The following COMP variants were observed in gnomAD, a reference collection of about 807,000 sequenced individuals.
The protein encoded by COMP is cartilage oligomeric matrix protein, also known as cartilage oligomeric matrix protein (pseudoachondroplasia, epiphyseal dysplasia 1, multiple).
A neutral mutation model predicts 95.8 loss-of-function variants in COMP; 79 were observed. The observed-to-expected ratio is 0.82, with a 90% CI of 0.69 to 0.99. The LOEUF is 0.99. COMP is among the 50% of genes least tolerant of loss of function. The pLI is 0.00. For synonymous variants in COMP, 438 were observed against 433.9 expected, an observed-to-expected ratio of 1.01 and a Z score of -0.12; for missense variants, 906 against 1,076.1, an observed-to-expected ratio of 0.84 and a Z score of 2.21.
chr19:18,789,202 G>A lies in COMP; in HGVS notation c.486C>T (p.Thr162=). Residue 162 remains threonine (T), a synonymous_variant, in exon 5 of 19, where the codon ACC becomes ACT. Transcript: ENST00000222271. The surrounding 1 kb of genome is among the most constrained non-coding windows in gnomAD (Gnocchi z 6.1). ...EACPPGYSGP[T]HQGVGLAFAK... Reference sequence around the variant, plus strand: ...CGAAAGCCAGCCCCACGCCCTGGTGGGTGGGGCCGCTGTACCCCGGCGGGC... The same window carrying A: ...CGAAAGCCAGCCCCACGCCCTGGTGAGTGGGGCCGCTGTACCCCGGCGGGC... 1 of 1,557,736 alleles carries A rather than the reference G, an allele frequency of 6.4e-7. No individual in the cohort carries two copies. The highest frequency in any genetic ancestry group is 8.6e-7 in the Non-Finnish European group (1 of 1,159,140).
intron 2 of COMP, 50 bp from the exon 3 acceptor site, chr19:18,790,663 C>T (rs1196807665): frequency 5.0e-6 from 8 of 1,613,532 alleles, no homozygotes; most frequent in Non-Finnish European, 5.9e-6. Context: ...CCTCATCCCT[C>T]GGGTCTCCCC....
At position 18,788,727 on chromosome 19, in the gene COMP, G is replaced by T. The variant is rs1568556395; in HGVS notation, c.627C>A (p.Cys209Ter). The T allele has an allele frequency of 1.9e-6, 3 of 1,548,618 alleles. No homozygotes were observed. The highest frequency in any genetic ancestry group is 2.6e-6 in the Non-Finnish European group (3 of 1,147,570). ...CCTGGTCGCCCACGAAGCCGGGCTG[G>T]CACGGGCCGCACTGGAAGGAGCCCT... ...NTRGSFQCGP[C>*]QPGFVGDQAS... is the part of the protein sequence containing the mutation. The change falls in exon 7 of 19, where the codon TGC becomes TGA. Residue 209 changes from cysteine to a stop codon, truncating the protein, a stop_gained. Coordinates refer to ENST00000222271, the MANE Select transcript of COMP (RefSeq NM_000095.3). LOFTEE classifies it high-confidence loss of function. This position sits in a 1 kb window ranked among gnomAD's most constrained non-coding sequence, Gnocchi z 4.7.
In COMP at chr19:18,789,261, T is replaced by C. The variant is rs776583689; in HGVS notation, c.427A>G (p.Ile143Val). 1.3e-6 allele frequency: 2 copies of C among 1,512,432 alleles called. No homozygotes were observed. Among genetic ancestry groups the C allele is most frequent in the African/African-American group, 2.8e-5 (2 of 71,334 alleles). 93.7% of individuals were successfully genotyped at this position (1,512,432 alleles called of 1,614,324 possible). The change falls in exon 5 of 19, where the codon ATC becomes GTC. Residue 143 changes from isoleucine (I) to valine (V), a missense_variant. Coordinates refer to ENST00000222271, the MANE Select transcript of COMP (RefSeq NM_000095.3). The surrounding 1 kb of genome is among the most constrained non-coding windows in gnomAD (Gnocchi z 6.1). ...AHPCFPRVRC[I>V]NTSPGFRCEA... ...CAGCGGAACCCCGGGCTGGTGTTGATACAGCGGACTCGGGGGAAGCAGGGG... is the reference window on the plus strand; with the variant it reads ...CAGCGGAACCCCGGGCTGGTGTTGACACAGCGGACTCGGGGGAAGCAGGGG...
rs1161587147 is a variant in COMP at position 18,784,417 on chromosome 19, C to G, written c.1915-54G>C. 82 of 1,602,530 alleles carry G rather than the reference C, an allele frequency of 5.1e-5. No homozygotes were observed. Among genetic ancestry groups the G allele is most frequent in the Non-Finnish European group, 6.7e-5 (78 of 1,171,350 alleles). On this transcript the variant is annotated intron_variant, in intron 16 of 18. Transcript: ENST00000222271. This position sits in a 1 kb window ranked among gnomAD's most constrained non-coding sequence, Gnocchi z 4.9. ...GACCTCGTGGGCCACCGGAGCCCCC[C>G]TAGACACCTTCCTGGAGAGACAGTT... is the stretch of plus-strand genomic sequence containing the variant.
Position 18,790,551 on chromosome 19 carries a change from G to T in COMP, c.217+11C>A, listed in dbSNP as rs1205729952. 5.6e-6 allele frequency: 9 copies of T among 1,613,192 alleles called. No individual in the cohort carries two copies. Among genetic ancestry groups the T allele is most frequent in the Non-Finnish European group, 7.6e-6 (9 of 1,179,756 alleles). ...GTCTCTTCTCTCTCCCGACCGCCCC[G>T]CCGCGCTCACCGCACGCGTCACACT... On this transcript the variant is annotated intron_variant, in intron 3 of 18. Transcript: ENST00000222271.
intron 1 of COMP, 56 bp from the exon 2 acceptor site, chr19:18,790,991 A>G: frequency 1.3e-6 from 2 of 1,535,894 alleles, no homozygotes; most frequent in African/African-American, 2.8e-5. Flanking sequence ...CCCACCACCA[A>G]CTCCCACCGT....
intron 3 of COMP, 101 bp from the exon 4 acceptor site, chr19:18,790,215 C>CT: frequency 3.4e-6 from 3 of 881,182 alleles, no homozygotes; most frequent in East Asian, 2.8e-5. Flanking sequence ...TTCCCCTTCC[C>CT]CCCCACCCCC....
chr19:18,787,373 G>T, intron 10 of COMP, 118 bp downstream of exon 10: 2 of 1,437,450 alleles, frequency 1.4e-6, no homozygotes, highest in Non-Finnish European at 1.9e-6. Flanking sequence ...GGTCCAGGGC[G>T]CCCTAGTCCA....
chr19:18,790,771 G>A, intron 2 of COMP, 79 bp downstream of exon 2: 1 of 1,589,834 alleles, frequency 6.3e-7, no homozygotes, highest in Non-Finnish European at 8.5e-7. Flanking sequence ...ACCTTCTCGG[G>A]TACTTCCTCT....
rs895484907 is a variant in COMP at position 18,787,475 on chromosome 19, C to T, written c.1135+16G>A. 2 of 1,609,964 alleles carry T rather than the reference C, an allele frequency of 1.2e-6. No homozygotes were observed. The highest frequency in any genetic ancestry group is 1.7e-5 in the Admixed American group (1 of 59,954). On this transcript the variant is annotated intron_variant, in intron 10 of 18. Transcript: ENST00000222271. The stretch of plus-strand genomic sequence containing the variant: ...CCCGCCGCCTCTCCTCGCCCCCCAA[C>T]CCCCATCGAGCTCACGGTCGCCGTC...
chr19:18,791,260 CG>C lies in COMP; in HGVS notation c.9del (p.Asp4ThrfsTer59). On this transcript the variant is annotated frameshift_variant, in exon 1 of 19. Transcript: ENST00000222271. LOFTEE classifies it high-confidence loss of function. ...GTGAGCAGAAGAACGCAGGCGGTGT[CG>C]GGGACCATGGCGGTGGCGGGGAGCT... The part of the protein sequence containing the change: MV[P>X]DTACVLLLTL... 1 of 1,596,368 alleles carries C rather than the reference CG, an allele frequency of 6.3e-7. No homozygotes were observed.
At position 18,789,048 on chromosome 19, in the gene COMP, C is replaced by G; in HGVS notation, c.528+112G>C. ...CGATCAGCCCTGGCGCAGCGGACCC[C>G]TCCTCTCCCCACCCCTCCCGCTGGA... is the stretch of plus-strand genomic sequence containing the variant. On this transcript the variant is annotated intron_variant, in intron 5 of 18. Transcript: ENST00000222271. This position sits in a 1 kb window ranked among gnomAD's most constrained non-coding sequence, Gnocchi z 6.1. 6.5e-7 allele frequency: 1 copy of G among 1,543,560 alleles called. No individual in the cohort carries two copies. The highest frequency in any genetic ancestry group is 8.8e-7 in the Non-Finnish European group (1 of 1,137,608).
At chr19:18,787,466 G>C in intron 10 of COMP, 25 bp downstream of exon 10, 1 of 1,603,286 alleles carries the variant, frequency 6.2e-7, no homozygotes, top group Non-Finnish European at 8.5e-7. Flanking sequence ...GCCTCTCCTC[G>C]CCCCCCAACC....
At chr19:18,787,693 G>A (rs983155432) in intron 9 of COMP, 43 bp from the exon 10 acceptor site, 1 of 1,609,208 alleles carries the variant, frequency 6.2e-7, no homozygotes, top group South Asian at 1.1e-5. Context: ...GGTCGAGAAG[G>A]CAAAGGTCAC....
At chr19:18,786,765 T>A in intron 10 of COMP, 115 bp from the exon 11 acceptor site, 1 of 32,104 alleles carries the variant, frequency 3.1e-5, no homozygotes, top group Non-Finnish European at 7.3e-5. Context: ...CATGGAAGCT[T>A]TTTTTTTTTT....
In COMP at chr19:18,790,063, T is replaced by C; in HGVS notation, c.269A>G (p.His90Arg). Reference protein sequence around the residue: ...TGLPSVRPLLHCAPGFCFPGV... With the variant: ...TGLPSVRPLLRCAPGFCFPGV... ...GGGGAAGCAGAAGCCGGGCGCGCAG[T>C]GGAGCAGGGGCCGCACGCTGGGTAG... The change falls in exon 4 of 19, where the codon CAC becomes CGC. Residue 90 changes from histidine to arginine, a missense_variant. His to Arg is a conservative substitution (Grantham distance 29). Coordinates refer to ENST00000222271, the MANE Select transcript of COMP (RefSeq NM_000095.3). 5.8e-6 allele frequency: 9 copies of C among 1,551,702 alleles called. No homozygotes were observed. The highest frequency in any genetic ancestry group is 7.8e-6 in the Non-Finnish European group (9 of 1,153,902).
At position 18,788,051 on chromosome 19, in the gene COMP, GCA is replaced by G. The variant is rs2055182638; in HGVS notation, c.975+159_975+160del. 6.6e-6 allele frequency among the ~76,000 whole-genome samples: 1 copy of G among 151,670 alleles called. No homozygotes were observed. The highest frequency in any genetic ancestry group is 1.5e-5 in the Non-Finnish European group (1 of 67,922). ...CCTGAGTAGCTGGGATTACAGGCGTGCACCACCACGCCCCGCTAATTTTTGTA... is the reference window on the plus strand; with the variant it reads ...CCTGAGTAGCTGGGATTACAGGCGTGCCACCACGCCCCGCTAATTTTTGTA... On this transcript the variant is annotated intron_variant, in intron 9 of 18. Transcript: ENST00000222271. This position sits in a 1 kb window ranked among gnomAD's most constrained non-coding sequence, Gnocchi z 4.7.
chr19:18,790,566 C>G lies in COMP; in HGVS notation c.213G>C (p.Ala71=), dbSNP rs2055205419. The G allele has an allele frequency of 6.2e-7, 1 of 1,613,806 alleles. No individual in the cohort carries two copies. Residue 71 remains alanine (A), a synonymous_variant, in exon 3 of 19, where the codon GCG becomes GCC. Coordinates refer to ENST00000222271, the MANE Select transcript of COMP (RefSeq NM_000095.3). The part of the protein sequence containing the change: ...FLKNTVMECD[A]CGMQQSVRTG... ...CGACCGCCCCGCCGCGCTCACCGCA[C>G]GCGTCACACTCCATCACCGTGTTTT... is the stretch of plus-strand genomic sequence containing the variant.
rs899712537 is a variant in COMP, at chr19:18,789,405, T to A, written c.391-108A>T. The stretch of plus-strand genomic sequence containing the variant: ...AAGTTCAAGGGCCATATGCCAGTGC[T>A]TGGAGCTCTGAGATGGAAGCAATTG... On this transcript the variant is annotated intron_variant, in intron 4 of 18. Coordinates refer to ENST00000222271, the MANE Select transcript of COMP (RefSeq NM_000095.3). The surrounding 1 kb of genome is among the most constrained non-coding windows in gnomAD (Gnocchi z 6.1). 11 of 1,208,632 alleles carry A rather than the reference T, an allele frequency of 9.1e-6. No homozygotes were observed. Among genetic ancestry groups the A allele is most frequent in the Non-Finnish European group, 1.2e-5 (11 of 899,134 alleles). The allele number at this position is 1,208,632 out of a possible 1,614,324, so 74.9% of individuals were successfully genotyped here.
Sources: gnomAD v4.1 joint callset for allele counts (sites outside exome capture counted in the v4.1 genomes callset) on GRCh38, gnomAD v4.1.1 for gene constraint, Gnocchi (gnomAD v3.1) non-coding constraint, MANE v1.5 for transcripts, NCBI Gene and HGNC (gene_info 2026-07-23, HGNC 2026-07-21) for gene names.